Variants in HS3ST6 observed in about 807,000 individuals in gnomAD.
HS3ST6 encodes the protein heparan sulfate-glucosamine 3-sulfotransferase 6, also known as heparan sulfate glucosamine 3-O-sulfotransferase 6.
Under a neutral mutation model 11.0 loss-of-function variants are expected in HS3ST6, and 13 were observed. That is an observed-to-expected ratio of 1.18 (90% CI 0.77 to 1.88). The LOEUF (loss-of-function observed/expected upper bound fraction) is 1.88. HS3ST6 is among the 40% of genes most tolerant of loss of function. HS3ST6 has a pLI of 0.00. For missense variants in HS3ST6, 541 were observed against 494.4 expected (o/e 1.09, Z -0.89); for synonymous variants, 232 against 230.6 (o/e 1.01, Z -0.06).
At chr16:1,920,580 T>C (rs2082958891), upstream of HS3ST6, among the ~76,000 whole-genome samples, 2 of 152,208 alleles carry the variant, frequency 1.3e-5, no homozygotes, top group South Asian at 4.1e-4. Flanking sequence ...GCCTTTCCGC[T>C]GCCGTCTCTC....
intron 1 of HS3ST6, among the ~76,000 whole-genome samples, chr16:1,915,155 T>A (rs909351760): frequency 1.3e-5 from 2 of 152,108 alleles, no homozygotes; most frequent in African/African-American, 4.8e-5. Context: ...GGAGACCGGG[T>A]TCTTCCCCAC....
upstream of HS3ST6, among the ~76,000 whole-genome samples, chr16:1,920,786 A>G (rs565018590): frequency 6.6e-6 from 1 of 152,188 alleles, no homozygotes; most frequent in Admixed American, 6.5e-5. Context: ...CGGTGGCTAC[A>G]CACCTCGGGG....
chr16:1,916,410 G>A (rs1046221698), intron 1 of HS3ST6, among the ~76,000 whole-genome samples: 5 of 149,818 alleles, frequency 3.3e-5, no homozygotes, highest in Non-Finnish European at 5.9e-5. Flanking sequence ...CCCTGGGCAC[G>A]TCAGTGTCCC....
chr16:1,919,023 G>A (rs2082946801), upstream of HS3ST6, among the ~76,000 whole-genome samples: 2 of 152,222 alleles, frequency 1.3e-5, no homozygotes, highest in Non-Finnish European at 2.9e-5. Context: ...GCCGCTGAGA[G>A]GTCAAGTCAC....
At chr16:1,918,920 G>C (rs1333524733), upstream of HS3ST6, among the ~76,000 whole-genome samples, 1 of 152,192 alleles carries the variant, frequency 6.6e-6, no homozygotes, top group Non-Finnish European at 1.5e-5. This position sits in a 1 kb window ranked among gnomAD's most constrained non-coding sequence, Gnocchi z 6.0. Context: ...AGTGTGCAGA[G>C]AGGGATCCCA....
rs1174628789 is a variant in HS3ST6, at chr16:1,911,821, G to A, written c.798C>T (p.Phe266=). The A allele has an allele frequency of 6.2e-7, 1 of 1,613,690 alleles. No individual in the cohort carries two copies. The change falls in exon 2 of 2, where the codon TTC becomes TTT. Residue 266 remains phenylalanine, a synonymous_variant. Transcript: ENST00000454677. ...PAGEVGRVQD[F]LGLKRVVTDK... ...CCGTGACGACCCGTTTCAGGCCCAG[G>A]AAGTCCTGCACGCGGCCGACCTCTC...
Position 1,917,929 on chromosome 16 carries a change from C to T in HS3ST6, c.395G>A (p.Arg132His). 1 of 1,486,584 alleles carries T rather than the reference C, an allele frequency of 6.7e-7. No homozygotes were observed. Among genetic ancestry groups the T allele is most frequent in the South Asian group, 1.3e-5 (1 of 77,772 alleles). The allele number at this position is 1,486,584 out of a possible 1,614,324, so 92.1% of individuals were successfully genotyped here. ...TGCTCACCGGTACCAGGCGAGGCCG[C>T]GCTCGTAGCACCTGTCGAAGAAGTG... ...EPHFFDRCYE[R>H]GLAWYRSLMP... The change falls in exon 1 of 2, where the codon CGC (arginine) becomes CAC (histidine). Residue 132 changes from arginine (R) to histidine (H), a missense_variant. Transcript: ENST00000454677.
At chr16:1,914,340 G>A (rs930541140) in intron 1 of HS3ST6, among the ~76,000 whole-genome samples, 3 of 152,142 alleles carry the variant, frequency 2.0e-5, no homozygotes, top group Non-Finnish European at 2.9e-5. Context: ...GGGCACCCCC[G>A]TCCCTGAGAG....
Position 1,911,930 on chromosome 16 carries a change from T to C in HS3ST6, c.689A>G (p.Gln230Arg). The C allele has an allele frequency of 6.3e-7, 1 of 1,598,094 alleles. No individual in the cohort carries two copies. Among genetic ancestry groups the C allele is most frequent in the Non-Finnish European group, 8.5e-7 (1 of 1,170,978 alleles). The stretch of plus-strand genomic sequence containing the variant: ...GTAGCGCAGCCAGTGGTCCAGGTGC[T>C]GGGCGTACAGGCCGATGCGGACGGC... ...WSAVRIGLYAQHLDHWLRYFP... is the reference protein window; with the variant it reads ...WSAVRIGLYARHLDHWLRYFP... Residue 230 changes from glutamine (Q) to arginine (R), a missense_variant, in exon 2 of 2, where the codon CAG (glutamine) becomes CGG (arginine). By Grantham distance (43) the Gln-to-Arg change is conservative. Transcript: ENST00000454677.
rs767396198 is a variant in HS3ST6, at chr16:1,911,875, G to C, written c.744C>G (p.Ser248Arg). ...CCGGGTCGCTGACCAGACGCTCCCCGCTGACGAACAGGAAGTGGGACAGGG... is the reference window on the plus strand; with the variant it reads ...CCGGGTCGCTGACCAGACGCTCCCCCCTGACGAACAGGAAGTGGGACAGGG... ...YFPLSHFLFV[S>R]GERLVSDPAG... The change falls in exon 2 of 2, where the codon AGC becomes AGG. Residue 248 changes from serine to arginine, a missense_variant. By Grantham distance (110) the Ser-to-Arg change is moderately radical. Transcript: ENST00000454677. 6.8e-6 allele frequency: 11 copies of C among 1,607,244 alleles called. No individual in the cohort carries two copies. The highest frequency in any genetic ancestry group is 1.3e-5 in the African/African-American group (1 of 74,934).
intron 1 of HS3ST6, 72 bp downstream of exon 1, chr16:1,917,839 C>T (rs986693350): frequency 3.3e-5 from 38 of 1,166,756 alleles, no homozygotes; most frequent in Non-Finnish European, 3.9e-5. Flanking sequence ...GATATCGTGC[C>T]GCTGCTCCCT....
chr16:1,912,122 C>G lies in HS3ST6; in HGVS notation c.497G>C (p.Arg166Pro). Residue 166 changes from arginine to proline, a missense_variant, in exon 2 of 2, where the codon CGC becomes CCC. Transcript: ENST00000454677. This position sits in a 1 kb window ranked among gnomAD's most constrained non-coding sequence, Gnocchi z 5.6. ...CGTGTCCGGGGACATGGCGTGGATG[C>G]GGCGGGGGGCCTCTCGCGTCACGAA... ...SYFVTREAPR[R>P]IHAMSPDTKL... is the part of the protein sequence containing the mutation. 1 of 1,498,520 alleles carries G rather than the reference C, an allele frequency of 6.7e-7. No homozygotes were observed. Among genetic ancestry groups the G allele is most frequent in the Non-Finnish European group, 8.9e-7 (1 of 1,125,440 alleles). 92.8% of individuals were successfully genotyped at this position (1,498,520 alleles called of 1,614,324 possible). A position where few individuals can be genotyped will look rare whatever the true frequency, so the allele number is the denominator to read the frequency against.
rs180674426 is a variant in HS3ST6, at chr16:1,912,214, C to T, written c.414-9G>A. On this transcript the variant is annotated splice_polypyrimidine_tract_variant and intron_variant, in intron 1 of 1. Transcript: ENST00000454677. This position sits in a 1 kb window ranked among gnomAD's most constrained non-coding sequence, Gnocchi z 5.6. ...TTCGGGGCATCAGACTCCTGCGGGA[C>T]GGGTGCAAGGAGAGGGGGCCTGAGC... The T allele has an allele frequency of 3.6e-3, 5,022 of 1,404,676 alleles. 238 individuals carry two copies. In the South Asian group the frequency reaches 0.084, roughly 23 times the overall value. 87.0% of individuals were successfully genotyped at this position (1,404,676 alleles called of 1,614,324 possible). A position where few individuals can be genotyped will look rare whatever the true frequency, so the allele number is the denominator to read the frequency against.
At chr16:1,919,419 C>T (rs771912341), upstream of HS3ST6, among the ~76,000 whole-genome samples, 5 of 152,174 alleles carry the variant, frequency 3.3e-5, no homozygotes, top group Non-Finnish European at 5.9e-5. Context: ...GCAGGGGAGG[C>T]GAGCCGGGCT....
chr16:1,911,599 G>A lies in HS3ST6; in HGVS notation c.1020C>T (p.Gly340=), dbSNP rs756080015. ...RFYQMTGQDF[G]WG ...ATCCCCAGGGTGCCGCTCAGCCCCA[G>A]CCGAAGTCCTGGCCCGTCATCTGGT... The change falls in exon 2 of 2, where the codon GGC becomes GGT. Residue 340 remains glycine (G), a synonymous_variant. Coordinates refer to ENST00000454677, the MANE Select transcript of HS3ST6 (RefSeq NM_001009606.4). 1 of 1,601,376 alleles carries A rather than the reference G, an allele frequency of 6.2e-7. No homozygotes were observed. The highest frequency in any genetic ancestry group is 1.7e-5 in the Admixed American group (1 of 58,324).
At position 1,918,039 on chromosome 16, in the gene HS3ST6, G is replaced by T; in HGVS notation, c.285C>A (p.Ile95=). The T allele has an allele frequency of 6.6e-7, 1 of 1,523,316 alleles. No homozygotes were observed. 94.4% of individuals were successfully genotyped at this position (1,523,316 alleles called of 1,614,324 possible). Reference sequence around the variant, plus strand: ...GCGTGCCGCCCTTCTTCACGCCAACGATGAGCGCTTGCGGGAAGCGCCGGC... The same window carrying T: ...GCGTGCCGCCCTTCTTCACGCCAACTATGAGCGCTTGCGGGAAGCGCCGGC... ...PGRRRFPQAL[I]VGVKKGGTRA... The change falls in exon 1 of 2, where the codon ATC becomes ATA. Residue 95 remains isoleucine (I), a synonymous_variant. Transcript: ENST00000454677. This position sits in a 1 kb window ranked among gnomAD's most constrained non-coding sequence, Gnocchi z 6.0.
chr16:1,917,062 A>G (rs781067476), intron 1 of HS3ST6, among the ~76,000 whole-genome samples: 4 of 152,142 alleles, frequency 2.6e-5, no homozygotes, highest in Admixed American at 6.6e-5. Flanking sequence ...ACCCAAGAGT[A>G]GTTTTAGTAC....
At chr16:1,915,061 C>A (rs935074765) in intron 1 of HS3ST6, among the ~76,000 whole-genome samples, 1 of 152,102 alleles carries the variant, frequency 6.6e-6, no homozygotes, top group African/African-American at 2.4e-5. Context: ...TCCTGCCCCA[C>A]ACCTCAGGCC....
chr16:1,917,902 G>T lies in HS3ST6; in HGVS notation c.413+9C>A. 1 of 1,436,480 alleles carries T rather than the reference G, an allele frequency of 7.0e-7. No homozygotes were observed. Among genetic ancestry groups the T allele is most frequent in the Non-Finnish European group, 9.1e-7 (1 of 1,093,498 alleles). The allele number at this position is 1,436,480 out of a possible 1,614,324, so 89.0% of individuals were successfully genotyped here. A position where few individuals can be genotyped will look rare whatever the true frequency, so the allele number is the denominator to read the frequency against. ...GCGCCGGTCAGGGCGGACGGGCCAG[G>T]GTGCTCACCGGTACCAGGCGAGGCC... is the stretch of plus-strand genomic sequence containing the variant. On this transcript the variant is annotated intron_variant, in intron 1 of 1. Transcript: ENST00000454677.
Sources: allele counts gnomAD v4.1 joint callset (sites outside exome capture counted in the v4.1 genomes callset), GRCh38; gene constraint gnomAD v4.1.1; non-coding constraint Gnocchi (gnomAD v3.1); transcripts MANE v1.5; gene names NCBI Gene and HGNC (gene_info 2026-07-23, HGNC 2026-07-21).